The following SERINC3 variants were observed in gnomAD, a reference collection of about 807,000 sequenced individuals.
The protein encoded by SERINC3 is tumor differentially expressed protein 1.
SERINC3 carries 22 observed loss-of-function variants against 52.1 expected under a neutral mutation model. The ratio of observed to expected loss-of-function variants is 0.42; its 90% CI spans 0.30 to 0.60. SERINC3 has a LOEUF of 0.60. Ranked by LOEUF, SERINC3 falls within the 20% of genes least tolerant of loss-of-function variation. The pLI, the probability that SERINC3 is intolerant of heterozygous loss-of-function variation, is 0.16. For synonymous variants in SERINC3, 226 were observed against 212.7 expected, an observed-to-expected ratio of 1.06 and a Z score of -0.54; for missense variants, 564 against 584.6, an observed-to-expected ratio of 0.96 and a Z score of 0.36.
chr20:44,496,975 CCAACCTAGAA>C (rs2064252509), downstream of SERINC3, among the ~76,000 whole-genome samples: 3 of 152,148 alleles, frequency 2.0e-5, no homozygotes, highest in South Asian at 6.2e-4. Flanking sequence ...ACCCGCAAGA[CCAACCTAGAA>C]AATAAAGGAG....
chr20:44,511,683 T>C (rs2064348527), intron 3 of SERINC3, among the ~76,000 whole-genome samples: 1 of 152,188 alleles, frequency 6.6e-6, no homozygotes, highest in South Asian at 2.1e-4. Flanking sequence ...AAAATAACAG[T>C]GTTAGGTACA....
intron 1 of SERINC3, 127 bp downstream of exon 1, chr20:44,521,786 G>A (rs998857828): frequency 2.3e-5 from 22 of 940,550 alleles, no homozygotes; most frequent in Non-Finnish European, 3.4e-5. Context: ...GGGCCCCGGA[G>A]ACCCTCTGTA....
At position 44,512,810 on chromosome 20, in the gene SERINC3, A is replaced by C. The variant is rs201221688; in HGVS notation, c.386T>G (p.Val129Gly). 24 of 1,572,692 alleles carry C rather than the reference A, an allele frequency of 1.5e-5. No individual in the cohort carries two copies. Among genetic ancestry groups the C allele is most frequent in the Non-Finnish European group, 2.0e-5 (23 of 1,167,662 alleles). ...CATAAATCTAACATACCCATTGTGT[A>C]CTGCCGCTCGGAGATCTTTACTTGT... ...VKTSKDLRAA[V>G]HNGFWFFKIA... Residue 129 changes from valine to glycine, a missense_variant, in exon 3 of 10, where the codon GTA (valine) becomes GGA (glycine). Val to Gly is a moderately radical substitution (Grantham distance 109). Transcript: ENST00000342374.
At chr20:44,509,310 T>G (rs114435691) in intron 5 of SERINC3, among the ~76,000 whole-genome samples, 1 of 152,226 alleles carries the variant, frequency 6.6e-6, no homozygotes, top group Non-Finnish European at 1.5e-5. Flanking sequence ...TGAACCCATC[T>G]GAGTTTCCTC....
intron 1 of SERINC3, among the ~76,000 whole-genome samples, chr20:44,517,133 C>T (rs1370339330): frequency 6.6e-6 from 1 of 151,984 alleles, no homozygotes; most frequent in Non-Finnish European, 1.5e-5. Flanking sequence ...AGCATAATAC[C>T]ACCTACTCGA....
chr20:44,505,067 G>A (rs188035257), intron 6 of SERINC3, among the ~76,000 whole-genome samples, 176 bp from the exon 7 acceptor site: 2 of 152,310 alleles, frequency 1.3e-5, no homozygotes, highest in African/African-American at 4.8e-5. Context: ...AAAGAACCCA[G>A]AAAGACCAAG....
At chr20:44,500,476 C>G (rs186647633) in intron 9 of SERINC3, 42 bp from the exon 10 acceptor site, 1 of 1,550,952 alleles carries the variant, frequency 6.4e-7, no homozygotes, top group Non-Finnish European at 8.7e-7. Context: ...GCCTGGTCTA[C>G]CTGACTTCTA....
chr20:44,506,908 G>A lies in SERINC3; in HGVS notation c.702C>T (p.Cys234=). The change falls in exon 6 of 10, where the codon TGC becomes TGT. Residue 234 remains cysteine, a synonymous_variant. Transcript: ENST00000342374. ...TACTGATGAAGAACTTGTTTTCTGT[G>A]CAGCCATCTGGTTTGGTGTAATATG... ...LYTYYTKPDG[C]TENKFFISIN... 1 of 1,613,660 alleles carries A rather than the reference G, an allele frequency of 6.2e-7. No homozygotes were observed. Among genetic ancestry groups the A allele is most frequent in the Non-Finnish European group, 8.5e-7 (1 of 1,179,730 alleles).
chr20:44,510,704 C>T (rs537941807), intron 4 of SERINC3, among the ~76,000 whole-genome samples: 2 of 152,018 alleles, frequency 1.3e-5, no homozygotes, highest in South Asian at 2.1e-4. Flanking sequence ...CCCAGCTACT[C>T]GGGAGACTGA....
chr20:44,500,045 G>A lies in SERINC3; in HGVS notation c.*251C>T. 2 of 367,960 alleles carry A rather than the reference G, an allele frequency of 5.4e-6. No homozygotes were observed. The highest frequency in any genetic ancestry group is 4.9e-5 in the South Asian group (1 of 20,360). The allele number at this position is 367,960 out of a possible 1,614,324, so 22.8% of individuals were successfully genotyped here. A position where few individuals can be genotyped will look rare whatever the true frequency, so the allele number is the denominator to read the frequency against. Reference sequence around the variant, plus strand: ...AAAGAACTCTCTTCACAGCACAGCTGTAGTTCACTTTAAACAAAAAATGTT... The same window carrying A: ...AAAGAACTCTCTTCACAGCACAGCTATAGTTCACTTTAAACAAAAAATGTT... On this transcript the variant is annotated 3_prime_UTR_variant, in exon 10 of 10. Coordinates refer to ENST00000342374, the MANE Select transcript of SERINC3 (RefSeq NM_006811.4).
intron 8 of SERINC3, among the ~76,000 whole-genome samples, chr20:44,502,396 G>C (rs1192369896): frequency 1.3e-5 from 2 of 152,084 alleles, no homozygotes; most frequent in Non-Finnish European, 2.9e-5. Flanking sequence ...AGACTGGCCA[G>C]TGCAACACAG....
intron 8 of SERINC3, 138 bp from the exon 9 acceptor site, chr20:44,501,438 A>G: frequency 1.2e-5 from 8 of 670,454 alleles, no homozygotes; most frequent in Non-Finnish European, 2.1e-5. Flanking sequence ...TCCTGCTTAA[A>G]GTTCTGAACT....
At chr20:44,513,773 C>A in intron 2 of SERINC3, 106 bp downstream of exon 2, 1 of 995,846 alleles carries the variant, frequency 1.0e-6, no homozygotes, top group Admixed American at 3.2e-5. Context: ...AGTAAAAAAT[C>A]TCCAAATTAC....
rs1385583902 is a variant in SERINC3 at position 44,501,274 on chromosome 20, A to C, written c.1082T>G (p.Val361Gly). 6.2e-7 allele frequency: 1 copy of C among 1,614,098 alleles called. No homozygotes were observed. Among genetic ancestry groups the C allele is most frequent in the East Asian group, 2.2e-5 (1 of 44,866 alleles). The stretch of plus-strand genomic sequence containing the variant: ...ACTCCCTGACAGGGTCAGCTTGTCT[A>C]CTTGGCTATTAGTGGAAGTGCGGAT... Reference protein sequence around the residue: ...SSIRTSTNSQVDKLTLSGSDS... With the variant: ...SSIRTSTNSQGDKLTLSGSDS... The change falls in exon 9 of 10, where the codon GTA becomes GGA. Residue 361 changes from valine to glycine, a missense_variant. Val to Gly is a moderately radical substitution (Grantham distance 109, BLOSUM62 -3). Coordinates refer to ENST00000342374, the MANE Select transcript of SERINC3 (RefSeq NM_006811.4).
downstream of SERINC3, among the ~76,000 whole-genome samples, chr20:44,496,759 A>G (rs1407132636): frequency 6.6e-6 from 1 of 152,164 alleles, no homozygotes; most frequent in East Asian, 1.9e-4. Flanking sequence ...GCACCACTGC[A>G]CTCCAGCCTG....
At position 44,513,537 on chromosome 20, in the gene SERINC3, C is replaced by T. The variant is rs1013791970; in HGVS notation, c.201+342G>A. 3.9e-5 allele frequency among the ~76,000 whole-genome samples: 6 copies of T among 152,274 alleles called. No individual in the cohort carries two copies. In the South Asian group the frequency reaches 8.3e-4, roughly 21 times the overall value. The stretch of plus-strand genomic sequence containing the variant: ...CCTTTTAGGATGAAGAGGCTGTGTG[C>T]CACTTTCCTGTGAGATTTTCCAGCT... On this transcript the variant is annotated intron_variant, in intron 2 of 9. Coordinates refer to ENST00000342374, the MANE Select transcript of SERINC3 (RefSeq NM_006811.4).
Position 44,507,270 on chromosome 20 carries a change from C to T in SERINC3, c.614-274G>A, listed in dbSNP as rs79653656. Among the ~76,000 whole-genome samples, 765 of 152,290 alleles carry T rather than the reference C, an allele frequency of 5.0e-3. 5 individuals carry two copies. Among genetic ancestry groups the T allele is most frequent in the African/African-American group, 0.018 (728 of 41,564 alleles). ...ATTACCAGACATTTGATCATTCCAG[C>T]TAGAGTTTACTGCTACCTATATGTT... On this transcript the variant is annotated intron_variant, in intron 5 of 9. Coordinates refer to ENST00000342374, the MANE Select transcript of SERINC3 (RefSeq NM_006811.4).
At chr20:44,513,834 A>G (rs995724476) in intron 2 of SERINC3, 45 bp downstream of exon 2, 10 of 1,449,422 alleles carry the variant, frequency 6.9e-6, no homozygotes, top group South Asian at 2.9e-5. Context: ...TGCAGAATAT[A>G]AAAATAAAAA....
At chr20:44,512,410 T>A (rs373792182) in intron 3 of SERINC3, among the ~76,000 whole-genome samples, 1 of 151,966 alleles carries the variant, frequency 6.6e-6, no homozygotes, top group South Asian at 2.1e-4. Context: ...TGTAAATCAG[T>A]AGCACATATA....
Sources: allele counts gnomAD v4.1 joint callset (sites outside exome capture counted in the v4.1 genomes callset), GRCh38; gene constraint gnomAD v4.1.1; transcripts MANE v1.5; gene names NCBI Gene and HGNC (gene_info 2026-07-23, HGNC 2026-07-21).